Variants in TRAPPC8 observed in about 807,000 individuals in gnomAD.
The protein encoded by TRAPPC8 is general sporulation gene 1 homolog.
In TRAPPC8, 54 loss-of-function variants were observed where a neutral mutation model predicts 174.3. The ratio of observed to expected loss-of-function variants is 0.31; its 90% CI spans 0.25 to 0.39. The LOEUF (loss-of-function observed/expected upper bound fraction) is 0.39, where lower values mean the gene tolerates loss of function less well. Among genes scored for constraint, TRAPPC8 ranks in the 10% least tolerant of loss-of-function variants. The pLI, the probability that TRAPPC8 is intolerant of heterozygous loss-of-function variation, is 1.00. For synonymous variants in TRAPPC8, 630 were observed against 579.9 expected (o/e 1.09, Z -1.24); for missense variants, 1,531 against 1,699.1 (o/e 0.90, Z 1.74).
In TRAPPC8 at chr18:31,913,371, G is replaced by T; in HGVS notation, c.769C>A (p.Gln257Lys). ...QYLQKNSIQNQESYEDGPCTI... is the reference protein window; with the variant it reads ...QYLQKNSIQNKESYEDGPCTI... ...CTTCATTTATTTTTTACATATACCT[G>T]GTTTTGAATACTATTTTTCTGGAGA... The change falls in exon 5 of 29, where the codon CAG becomes AAG. Residue 257 changes from glutamine to lysine, a missense_variant and splice_region_variant. By Grantham distance (53) the Gln-to-Lys change is moderately conservative. Transcript: ENST00000283351. 1 of 1,569,134 alleles carries T rather than the reference G, an allele frequency of 6.4e-7. No homozygotes were observed. The highest frequency in any genetic ancestry group is 1.2e-5 in the South Asian group (1 of 83,864).
chr18:31,939,039 T>A (rs1278896546), intron 1 of TRAPPC8, among the ~76,000 whole-genome samples: 1 of 129,098 alleles, frequency 7.7e-6, no homozygotes, highest in East Asian at 2.6e-4. Context: ...AAGATCTATC[T>A]CGCCGCTGCA....
At chr18:31,926,722 A>G (rs1180607484) in intron 2 of TRAPPC8, 1 of 152,070 alleles carries the variant, frequency 6.6e-6, no homozygotes. Context: ...CCACCACAAG[A>G]TGTTTTTAAA....
At chr18:31,867,082 T>G (rs1422188342) in intron 17 of TRAPPC8, 107 bp from the exon 18 acceptor site, 10 of 1,175,574 alleles carry the variant, frequency 8.5e-6, no homozygotes, top group East Asian at 7.8e-5. Context: ...CCTAAACTTT[T>G]AAAATGCCAA....
At position 31,874,566 on chromosome 18, in the gene TRAPPC8, C is replaced by T; in HGVS notation, c.1867G>A (p.Ala623Thr). 1 of 1,614,090 alleles carries T rather than the reference C, an allele frequency of 6.2e-7. No homozygotes were observed. Among genetic ancestry groups the T allele is most frequent in the Non-Finnish European group, 8.5e-7 (1 of 1,179,992 alleles). Residue 623 changes from alanine to threonine, a missense_variant, in exon 13 of 29, where the codon GCT becomes ACT. Transcript: ENST00000283351. ...TCATTAATTAGAATATGCCTAAAAGCAGACACAGCATTATCCAGCTGTCTA... is the reference window on the plus strand; with the variant it reads ...TCATTAATTAGAATATGCCTAAAAGTAGACACAGCATTATCCAGCTGTCTA... ...TLRQLDNAVS[A>T]FRHILINESK...
intron 24 of TRAPPC8, among the ~76,000 whole-genome samples, chr18:31,851,767 A>AATATG (rs992191761): frequency 5.9e-5 from 9 of 152,124 alleles, no homozygotes; most frequent in African/African-American, 1.4e-4. Context: ...TGGGTCTCAG[A>AATATG]ATATGATATG....
At chr18:31,840,202 T>C (rs1257999004) in intron 26 of TRAPPC8, among the ~76,000 whole-genome samples, 3 of 151,972 alleles carry the variant, frequency 2.0e-5, no homozygotes, top group Admixed American at 6.6e-5. Flanking sequence ...ACTAAAACTA[T>C]ACAAATTAGC....
rs1555668934 is a variant in TRAPPC8 at position 31,880,090 on chromosome 18, A to AT, written c.1729-5387_1729-5386insA. 3.6e-3 allele frequency among the ~76,000 whole-genome samples: 306 copies of AT among 85,156 alleles called. 1 individual carries two copies. Among genetic ancestry groups the AT allele is most frequent in the South Asian group, 0.018 (35 of 1,986 alleles). The allele number at this position is 85,156 out of a possible 152,430, so 55.9% of individuals were successfully genotyped here. ...TTTTACTGAAACTATTGAAAAAAAA[A>AT]ATATATATATATATATATATATATA... On this transcript the variant is annotated intron_variant, in intron 12 of 28. Coordinates refer to ENST00000283351, the MANE Select transcript of TRAPPC8 (RefSeq NM_014939.5).
chr18:31,939,385 A>C (rs2144326486), intron 1 of TRAPPC8: 1 of 152,330 alleles, frequency 6.6e-6, no homozygotes, highest in Non-Finnish European at 1.5e-5. Context: ...ACTCACATTT[A>C]CCATTAGACA....
In TRAPPC8 at chr18:31,897,884, C is replaced by T. The variant is rs939477499; in HGVS notation, c.1498G>A (p.Val500Met). 5 of 1,610,104 alleles carry T rather than the reference C, an allele frequency of 3.1e-6. No individual in the cohort carries two copies. The African/African-American group carries it at 4.0e-5, about 13-fold the overall frequency. Residue 500 changes from valine (V) to methionine (M), a missense_variant, in exon 11 of 29, where the codon GTG (valine) becomes ATG (methionine). Transcript: ENST00000283351. ...QTYRDICKNM[V>M]LAERCVLLSA... ...AGCAACACACATCTTTCAGCCAACA[C>T]CATATTCCTATAGAAAAAAGGACAA... is the stretch of plus-strand genomic sequence containing the variant.
chr18:31,872,965 A>C (rs913679260), intron 14 of TRAPPC8, among the ~76,000 whole-genome samples: 23 of 150,098 alleles, frequency 1.5e-4, no homozygotes, highest in Non-Finnish European at 3.1e-4. Flanking sequence ...AGTTATCTTC[A>C]GGTGACAGGA....
chr18:31,847,575 T>A (rs779023304), intron 25 of TRAPPC8, among the ~76,000 whole-genome samples: 1 of 152,230 alleles, frequency 6.6e-6, no homozygotes, highest in Non-Finnish European at 1.5e-5. Context: ...TCTATACTTA[T>A]AATGGACTAA....
intron 7 of TRAPPC8, 134 bp from the exon 8 acceptor site, chr18:31,908,552 T>C (rs1291378917): frequency 2.3e-6 from 2 of 856,672 alleles, no homozygotes; most frequent in African/African-American, 1.7e-5. Context: ...AACTGTCCAA[T>C]ATGCTGGCAA....
At chr18:31,854,002 T>TCC (rs2033860211) in intron 21 of TRAPPC8, 57 bp from the exon 22 acceptor site, 1 of 1,347,850 alleles carries the variant, frequency 7.4e-7, no homozygotes, top group Non-Finnish European at 1.0e-6. Context: ...ATCAGAATGT[T>TCC]CCGATGAGAA....
chr18:31,901,677 AC>A lies in TRAPPC8; in HGVS notation c.1390-653del, dbSNP rs561956270. ...GAAAGGCTCAGGCAAATATAAGGGC[AC>A]CACTGGCTACATGGGGAGCAAAGAC... On this transcript the variant is annotated intron_variant, in intron 9 of 28. Coordinates refer to ENST00000283351, the MANE Select transcript of TRAPPC8 (RefSeq NM_014939.5). 9.8e-5 allele frequency among the ~76,000 whole-genome samples: 15 copies of A among 152,342 alleles called. No individual in the cohort carries two copies. The South Asian group carries it at 2.5e-3, about 25-fold the overall frequency.
chr18:31,877,816 G>A (rs1364757829), intron 12 of TRAPPC8, among the ~76,000 whole-genome samples: 4 of 151,600 alleles, frequency 2.6e-5, no homozygotes, highest in Admixed American at 6.6e-5. Flanking sequence ...CCAGCTACTC[G>A]GGAGGCTGAG....
intron 12 of TRAPPC8, among the ~76,000 whole-genome samples, chr18:31,885,503 A>G (rs1568090942): frequency 6.6e-6 from 1 of 151,428 alleles, no homozygotes; most frequent in African/African-American, 2.4e-5. Flanking sequence ...ATCAATGCCA[A>G]TTTTTTTTTA....
intron 27 of TRAPPC8, among the ~76,000 whole-genome samples, chr18:31,833,900 G>T (rs541006072): frequency 2.3e-4 from 34 of 150,670 alleles, no homozygotes; most frequent in African/African-American, 8.0e-4. Flanking sequence ...TACTCGGGAG[G>T]CTGAGGCAGA....
At chr18:31,923,276 A>G (rs2037466324) in intron 2 of TRAPPC8, among the ~76,000 whole-genome samples, 1 of 152,222 alleles carries the variant, frequency 6.6e-6, no homozygotes, top group South Asian at 2.1e-4. Context: ...AATACAAAAC[A>G]GTACCTAAGT....
chr18:31,932,917 G>C (rs1179645825), intron 1 of TRAPPC8, among the ~76,000 whole-genome samples: 1 of 150,056 alleles, frequency 6.7e-6, no homozygotes, highest in Non-Finnish European at 1.5e-5. Flanking sequence ...GGAGGCTGCA[G>C]TGAGCCAAGG....
Sources: allele counts gnomAD v4.1 joint callset (sites outside exome capture counted in the v4.1 genomes callset), GRCh38; gene constraint gnomAD v4.1.1; transcripts MANE v1.5; gene names NCBI Gene and HGNC (gene_info 2026-07-23, HGNC 2026-07-21).